Variants in MAPK10 observed in about 807,000 individuals in gnomAD.
The protein encoded by MAPK10 is JNK3 alpha protein kinase.
A neutral mutation model predicts 59.3 loss-of-function variants in MAPK10; 25 were observed. The observed-to-expected ratio is 0.42, with a 90% CI of 0.31 to 0.59. The LOEUF (loss-of-function observed/expected upper bound fraction) is 0.59, where lower values mean the gene tolerates loss of function less well. Ranked by LOEUF, MAPK10 falls within the 20% of genes least tolerant of loss-of-function variation. The probability of loss-of-function intolerance (pLI) is 0.15; values close to 1 mark genes in which losing one functional copy is unlikely to be tolerated. For synonymous variants in MAPK10, 190 were observed against 200.5 expected, an observed-to-expected ratio of 0.95 and a Z score of 0.44; for missense variants, 351 against 568.9, an observed-to-expected ratio of 0.62 and a Z score of 3.90.
intron 2 of MAPK10, among the ~76,000 whole-genome samples, chr4:86,303,688 T>G (rs1456675692): frequency 6.6e-6 from 1 of 152,206 alleles, no homozygotes; most frequent in East Asian, 1.9e-4. Flanking sequence ...AAAAGGCATG[T>G]ACTAAAAAAT....
At chr4:86,341,847 CTGAGCACCTAATGCTATGAG>C (rs1725150827) in intron 2 of MAPK10, among the ~76,000 whole-genome samples, 16 of 150,042 alleles carry the variant, frequency 1.1e-4, no homozygotes, top group Admixed American at 8.0e-4. Flanking sequence ...CCGGCAGCTA[CTGAGCACCTAATGCTATGAG>C]CTTTACCTTC....
intron 3 of MAPK10, among the ~76,000 whole-genome samples, chr4:86,162,971 TA>T (rs1303157430): frequency 6.6e-6 from 1 of 152,070 alleles, no homozygotes; most frequent in Non-Finnish European, 1.5e-5. Context: ...ATCAACCAAT[TA>T]AAAATCATCA....
intron 2 of MAPK10, among the ~76,000 whole-genome samples, chr4:86,195,728 C>A (rs772773847): frequency 2.0e-5 from 3 of 152,160 alleles, no homozygotes; most frequent in Non-Finnish European, 4.4e-5. Context: ...CCTAGGCCCC[C>A]ACCCTGACAG....
In MAPK10 at chr4:86,374,684, C is replaced by T. The variant is rs151079484; in HGVS notation, c.-121-20040G>A. 3.6e-3 allele frequency among the ~76,000 whole-genome samples: 552 copies of T among 152,276 alleles called. 2 individuals are homozygous for T. Among genetic ancestry groups the T allele is most frequent in the Admixed American group, 5.4e-3 (83 of 15,292 alleles). On this transcript the variant is annotated intron_variant, in intron 1 of 13. Coordinates refer to the MAPK10 transcript ENST00000361569. ...GCAGCTAATAGGACACCTGATGTTC[C>T]GCTATAAGGAATGTGACTTCTCCTT...
intron 1 of MAPK10, among the ~76,000 whole-genome samples, chr4:86,572,527 G>A (rs746299884): frequency 3.3e-5 from 5 of 152,108 alleles, no homozygotes; most frequent in Non-Finnish European, 4.4e-5. Context: ...ATGCAAACAG[G>A]GCAGAAAGTA....
At chr4:86,362,935 T>C (rs1737243388), upstream of MAPK10, among the ~76,000 whole-genome samples, 1 of 152,118 alleles carries the variant, frequency 6.6e-6, no homozygotes, top group South Asian at 2.1e-4. Flanking sequence ...CACTCCTATT[T>C]ATAAGGATTC....
chr4:86,521,707 C>T (rs1036193724), intron 1 of MAPK10, among the ~76,000 whole-genome samples: 9 of 152,202 alleles, frequency 5.9e-5, no homozygotes, highest in African/African-American at 1.9e-4. Context: ...GAGATCTTGC[C>T]CCAGGCTACA....
chr4:86,136,888 G>C (rs2062291965), intron 4 of MAPK10, among the ~76,000 whole-genome samples: 1 of 152,162 alleles, frequency 6.6e-6, no homozygotes, highest in Non-Finnish European at 1.5e-5. Flanking sequence ...TGTAATCCTA[G>C]TCTCTGATAA....
chr4:86,239,271 C>A (rs1439208241), intron 2 of MAPK10, among the ~76,000 whole-genome samples: 1 of 152,274 alleles, frequency 6.6e-6, no homozygotes, highest in South Asian at 2.1e-4. Context: ...AGGATTTTCG[C>A]ATCTATGTTC....
At position 86,219,076 on chromosome 4, in the gene MAPK10, A is replaced by G. The variant is rs116549144; in HGVS notation, c.-6-24669T>C. On this transcript the variant is annotated intron_variant, in intron 2 of 13. Coordinates refer to ENST00000641462, the MANE Select transcript of MAPK10 (RefSeq NM_138982.4). ...CCGACTTCCCCACGTTCCTGTTTCT[A>G]TTGATAGACTTCAGGAGCACACATG... Among the ~76,000 whole-genome samples the G allele has an allele frequency of 5.5e-3, 844 of 152,270 alleles. 9 individuals carry two copies. The highest frequency in any genetic ancestry group is 0.02 in the African/African-American group (811 of 41,548).
At chr4:86,099,817 G>A (rs1428013358) in intron 8 of MAPK10, 1 of 152,120 alleles carries the variant, frequency 6.6e-6, no homozygotes, top group Admixed American at 6.5e-5. Flanking sequence ...AACTCGTGAA[G>A]AAAGTATAAA....
intron 4 of MAPK10, among the ~76,000 whole-genome samples, chr4:86,153,314 A>C (rs2066924343): frequency 6.6e-6 from 1 of 152,206 alleles, no homozygotes; most frequent in Non-Finnish European, 1.5e-5. Context: ...TTATCTATGG[A>C]AATTTAAATG....
At chr4:86,044,334 A>G (rs2042124090) in intron 11 of MAPK10, among the ~76,000 whole-genome samples, 1 of 152,128 alleles carries the variant, frequency 6.6e-6, no homozygotes. Flanking sequence ...TGCTGCCTAG[A>G]TCCCACCTCA....
chr4:86,549,204 ATAAAG>A (rs1045532909), intron 1 of MAPK10, among the ~76,000 whole-genome samples: 1 of 152,224 alleles, frequency 6.6e-6, no homozygotes, highest in African/African-American at 2.4e-5. Flanking sequence ...ATTATTAAAA[ATAAAG>A]TATTCAAAAT....
chr4:86,159,945 T>A (rs185704695), intron 3 of MAPK10, among the ~76,000 whole-genome samples: 1 of 152,126 alleles, frequency 6.6e-6, no homozygotes, highest in African/African-American at 2.4e-5. Context: ...TACAAACTTA[T>A]GTAAAGTTTT....
chr4:86,326,479 G>T (rs1056775407), intron 2 of MAPK10: 4 of 152,196 alleles, frequency 2.6e-5, no homozygotes, highest in African/African-American at 9.7e-5. Flanking sequence ...GGCAGCAGTG[G>T]TGTAGAGGAG....
chr4:86,509,865 G>C (rs1281636688), intron 1 of MAPK10, among the ~76,000 whole-genome samples: 3 of 152,024 alleles, frequency 2.0e-5, no homozygotes, highest in Non-Finnish European at 2.9e-5. Flanking sequence ...TTACTATCTA[G>C]TGACTGAAAT....
At chr4:86,393,363 T>C (rs1046445265) in intron 1 of MAPK10, among the ~76,000 whole-genome samples, 16 of 152,106 alleles carry the variant, frequency 1.1e-4, no homozygotes, top group East Asian at 1.9e-4. Flanking sequence ...AAAATAACTA[T>C]TGTAAACAAA....
intron 1 of MAPK10, among the ~76,000 whole-genome samples, chr4:86,592,399 A>G (rs2149118178): frequency 6.6e-6 from 1 of 152,302 alleles, no homozygotes; most frequent in Non-Finnish European, 1.5e-5. Context: ...AAAAAAGCTA[A>G]CAACACTGTG....
Sources: gnomAD v4.1 joint callset for allele counts (sites outside exome capture counted in the v4.1 genomes callset) on GRCh38, gnomAD v4.1.1 for gene constraint, MANE v1.5 for transcripts, NCBI Gene and HGNC (gene_info 2026-07-23, HGNC 2026-07-21) for gene names.